The following SBK1 variants were observed in gnomAD, a reference collection of about 807,000 sequenced individuals.
SBK1 encodes the protein serine/threonine-protein kinase SBK1.
In SBK1, 11 loss-of-function variants were observed where a neutral mutation model predicts 24.4. The ratio of observed to expected loss-of-function variants is 0.45; its 90% CI spans 0.28 to 0.75. The LOEUF is 0.75. SBK1 is among the 30% of genes least tolerant of loss of function. The pLI, the probability that SBK1 is intolerant of heterozygous loss-of-function variation, is 0.12. For missense variants in SBK1, 467 were observed against 620.5 expected (o/e 0.75, Z 2.63); for synonymous variants, 308 against 284.4 (o/e 1.08, Z -0.83).
At position 28,319,188 on chromosome 16, in the gene SBK1, C is replaced by T; in HGVS notation, c.420C>T (p.Ile140=). 1 of 1,613,730 alleles carries T rather than the reference C, an allele frequency of 6.2e-7. No homozygotes were observed. The highest frequency in any genetic ancestry group is 8.5e-7 in the Non-Finnish European group (1 of 1,179,674). ...YAPAGDLFDI[I]PPQVGLPEDT... ...CTGCTGGGGACCTGTTTGACATCAT[C>T]CCTCCCCAGGTACTCGGGATGGTGG... The change falls in exon 3 of 4, where the codon ATC becomes ATT. Residue 140 remains isoleucine (I), a synonymous_variant. Transcript: ENST00000341901. This position sits in a 1 kb window ranked among gnomAD's most constrained non-coding sequence, Gnocchi z 4.0.
At chr16:28,313,609 A>AC (rs1182361817) in intron 1 of SBK1, among the ~76,000 whole-genome samples, 1 of 151,124 alleles carries the variant, frequency 6.6e-6, no homozygotes, top group Non-Finnish European at 1.5e-5. Flanking sequence ...AAAAAAAAAA[A>AC]AAAACATACT....
chr16:28,284,627 C>A (rs372999540), intron 1 of SBK1, among the ~76,000 whole-genome samples: 16 of 152,346 alleles, frequency 1.1e-4, no homozygotes, highest in African/African-American at 3.6e-4. Context: ...CAGTTGTTCT[C>A]AGACCAGGCT....
intron 1 of SBK1, among the ~76,000 whole-genome samples, chr16:28,294,793 G>C (rs960318307): frequency 2.6e-5 from 4 of 152,246 alleles, no homozygotes; most frequent in Non-Finnish European, 5.9e-5. Context: ...AGCTGGAGAC[G>C]AGGGTAGGGG....
Position 28,259,463 on chromosome 16 carries a change from A to G in SBK1, c.218A>G (p.Glu73Gly), listed in dbSNP as rs976285727. 64 of 985,944 alleles carry G rather than the reference A, an allele frequency of 6.5e-5. 1 individual carries two copies. The East Asian group carries it at 1.5e-3, about 23-fold the overall frequency. The allele number at this position is 985,944 out of a possible 1,614,324, so 61.1% of individuals were successfully genotyped here. Residue 73 changes from glutamate to glycine, a missense_variant, in exon 1 of 4, where the codon GAG becomes GGG. Glu to Gly is a moderately conservative substitution (Grantham distance 98). Coordinates refer to the SBK1 transcript ENST00000671413. This position sits in a 1 kb window ranked among gnomAD's most constrained non-coding sequence, Gnocchi z 6.0. Reference sequence around the variant, plus strand: ...TTCTGCTTCGTCTGCTTCCACAGGGAGGAGGAAGAGGAGCTGCTGGAAGAA... The same window carrying G: ...TTCTGCTTCGTCTGCTTCCACAGGGGGGAGGAAGAGGAGCTGCTGGAAGAA...
intron 1 of SBK1, among the ~76,000 whole-genome samples, chr16:28,306,066 C>A (rs916224734): frequency 6.6e-6 from 1 of 152,188 alleles, no homozygotes; most frequent in African/African-American, 2.4e-5. Flanking sequence ...ATAAGCAGAT[C>A]GATCCCATCT....
intron 1 of SBK1, among the ~76,000 whole-genome samples, chr16:28,306,822 T>C (rs1461622424): frequency 6.6e-6 from 1 of 152,244 alleles, no homozygotes; most frequent in African/African-American, 2.4e-5. Context: ...TGGGAAATTG[T>C]AACTTTTTAT....
At chr16:28,307,107 C>T (rs530969790) in intron 1 of SBK1, among the ~76,000 whole-genome samples, 70 of 152,246 alleles carry the variant, frequency 4.6e-4, no homozygotes, top group African/African-American at 1.5e-3. Flanking sequence ...TGAGTAACAG[C>T]GGCCGCTGTG....
Position 28,320,684 on chromosome 16 carries a change from G to A in SBK1, c.1038G>A (p.Glu346=). 1 of 1,078,318 alleles carries A rather than the reference G, an allele frequency of 9.3e-7. No individual in the cohort carries two copies. The highest frequency in any genetic ancestry group is 1.1e-6 in the Non-Finnish European group (1 of 889,654). 66.8% of individuals were successfully genotyped at this position (1,078,318 alleles called of 1,614,324 possible). A position where few individuals can be genotyped will look rare whatever the true frequency, so the allele number is the denominator to read the frequency against. ...CCGCCGCCGGGCCACTGCGCCTCGAGGCGCCTGGGCCGCTCAAGCGGACGG... is the reference window on the plus strand; with the variant it reads ...CCGCCGCCGGGCCACTGCGCCTCGAAGCGCCTGGGCCGCTCAAGCGGACGG... ...RPPAAGPLRL[E]APGPLKRTVL... The change falls in exon 4 of 4, where the codon GAG becomes GAA. Residue 346 remains glutamate (E), a synonymous_variant. Coordinates refer to ENST00000341901, the MANE Select transcript of SBK1 (RefSeq NM_001024401.3). The surrounding 1 kb of genome is among the most constrained non-coding windows in gnomAD (Gnocchi z 8.5).
intron 1 of SBK1, among the ~76,000 whole-genome samples, chr16:28,308,543 C>T (rs1436187991): frequency 2.0e-5 from 3 of 147,738 alleles, no homozygotes; most frequent in African/African-American, 7.6e-5. Context: ...TCACCTCAGC[C>T]TCCCAAGTAT....
chr16:28,276,322 A>G lies in SBK1; in HGVS notation c.257+16820A>G, dbSNP rs1379224728. Among the ~76,000 whole-genome samples the G allele has an allele frequency of 2.0e-5, 3 of 152,234 alleles. No homozygotes were observed. The East Asian group carries it at 5.8e-4, about 29-fold the overall frequency. On this transcript the variant is annotated intron_variant, in intron 1 of 3. Transcript: ENST00000671413. Reference sequence around the variant, plus strand: ...ACTCACAGGCGAATTACAGTTTCAGAAGCTGCTCAGAAAGGGCAGGAAAAA... The same window carrying G: ...ACTCACAGGCGAATTACAGTTTCAGGAGCTGCTCAGAAAGGGCAGGAAAAA...
At chr16:28,312,041 G>C (rs140714506) in intron 1 of SBK1, among the ~76,000 whole-genome samples, 1 of 152,388 alleles carries the variant, frequency 6.6e-6, no homozygotes, top group Non-Finnish European at 1.5e-5. Flanking sequence ...GATTGCACAC[G>C]TGTGGATGTG....
At chr16:28,295,204 C>T (rs1178002173) in intron 1 of SBK1, among the ~76,000 whole-genome samples, 1 of 152,152 alleles carries the variant, frequency 6.6e-6, no homozygotes, top group East Asian at 1.9e-4. Flanking sequence ...CAAGACCTCC[C>T]CTCCTCACTA....
At chr16:28,274,054 G>A (rs147440116) in intron 1 of SBK1, among the ~76,000 whole-genome samples, 242 of 152,282 alleles carry the variant, frequency 1.6e-3, no homozygotes, top group Middle Eastern at 6.8e-3. Flanking sequence ...GGGGGCTGGC[G>A]GGAGAGAGGG....
chr16:28,318,420 CCTT>C (rs1397945701), intron 2 of SBK1, among the ~76,000 whole-genome samples: 1 of 152,232 alleles, frequency 6.6e-6, no homozygotes, highest in African/African-American at 2.4e-5. Context: ...GCTTCAGAGT[CCTT>C]CTCTGTAAAA....
In SBK1 at chr16:28,319,723, C is replaced by A. The variant is rs1025988467; in HGVS notation, c.430-353C>A. On this transcript the variant is annotated intron_variant, in intron 3 of 3. Coordinates refer to ENST00000341901, the MANE Select transcript of SBK1 (RefSeq NM_001024401.3). The surrounding 1 kb of genome is among the most constrained non-coding windows in gnomAD (Gnocchi z 4.0). The stretch of plus-strand genomic sequence containing the variant: ...AACAGGACGGGAAGCTCAGGGAGCC[C>A]CGTTCTAGTTGGGGAAGACCGACGA... Among the ~76,000 whole-genome samples the A allele has an allele frequency of 2.0e-5, 3 of 152,090 alleles. No individual in the cohort carries two copies. Among genetic ancestry groups the A allele is most frequent in the African/African-American group, 7.2e-5 (3 of 41,422 alleles).
At chr16:28,293,552 C>T (rs1406589912) in intron 1 of SBK1, among the ~76,000 whole-genome samples, 1 of 152,042 alleles carries the variant, frequency 6.6e-6, no homozygotes, top group African/African-American at 2.4e-5. Context: ...GGTGGTGGAG[C>T]CCGTTGTGCC....
chr16:28,293,059 C>G lies in SBK1; in HGVS notation c.-249C>G, dbSNP rs893542405. 3.0e-6 allele frequency: 3 copies of G among 985,602 alleles called. No individual in the cohort carries two copies. Among genetic ancestry groups the G allele is most frequent in the Non-Finnish European group, 3.6e-6 (3 of 830,082 alleles). 61.1% of individuals were successfully genotyped at this position (985,602 alleles called of 1,614,324 possible). ...CTAGATCAGGGGATCCCAATTCCCC[C>G]CAACTCCGGTACATAGAAATCCCAA... On this transcript the variant is annotated 5_prime_UTR_variant, in exon 1 of 4. Coordinates refer to ENST00000341901, the MANE Select transcript of SBK1 (RefSeq NM_001024401.3).
chr16:28,317,255 C>T lies in SBK1; in HGVS notation c.-7-130C>T, dbSNP rs998435261. 2.4e-5 allele frequency: 16 copies of T among 680,662 alleles called. No individual in the cohort carries two copies. Among genetic ancestry groups the T allele is most frequent in the Non-Finnish European group, 3.8e-5 (15 of 397,614 alleles). 42.2% of individuals were successfully genotyped at this position (680,662 alleles called of 1,614,324 possible). A position where few individuals can be genotyped will look rare whatever the true frequency, so the allele number is the denominator to read the frequency against. Reference sequence around the variant, plus strand: ...ACGCGACCAAGATGCTTGTCGCCCCCTTGTGGTTATCTTGGGCCTGGCATC... The same window carrying T: ...ACGCGACCAAGATGCTTGTCGCCCCTTTGTGGTTATCTTGGGCCTGGCATC... On this transcript the variant is annotated intron_variant, in intron 1 of 3. Coordinates refer to ENST00000341901, the MANE Select transcript of SBK1 (RefSeq NM_001024401.3). This position sits in a 1 kb window ranked among gnomAD's most constrained non-coding sequence, Gnocchi z 4.2.
intron 1 of SBK1, among the ~76,000 whole-genome samples, chr16:28,293,815 G>T (rs944454699): frequency 6.6e-6 from 1 of 152,086 alleles, no homozygotes; most frequent in African/African-American, 2.4e-5. Flanking sequence ...GTGTTTGAGC[G>T]GATGAATGGG....
Sources: allele counts gnomAD v4.1 joint callset (sites outside exome capture counted in the v4.1 genomes callset), GRCh38; gene constraint gnomAD v4.1.1; non-coding constraint Gnocchi (gnomAD v3.1); transcripts MANE v1.5; gene names NCBI Gene and HGNC (gene_info 2026-07-23, HGNC 2026-07-21).